PAX7: variants seen among roughly 807,000 people sequenced by gnomAD.
PAX7 encodes the protein paired box 7, also known as paired box protein Pax-7.
PAX7 carries 18 observed loss-of-function variants against 50.7 expected under a neutral mutation model. The observed-to-expected ratio is 0.36, with a 90% CI of 0.25 to 0.53. The LOEUF is 0.53. Ranked by LOEUF, PAX7 falls within the 20% of genes least tolerant of loss-of-function variation. The pLI is 0.93. For missense variants in PAX7, 644 were observed against 702.9 expected (o/e 0.92, Z 0.95); for synonymous variants, 310 against 290.4 (o/e 1.07, Z -0.69).
chr1:18,641,899 A>C (rs2088261390), intron 4 of PAX7, among the ~76,000 whole-genome samples: 1 of 151,950 alleles, frequency 6.6e-6, no homozygotes, highest in African/African-American at 2.4e-5. Context: ...AGATAACGCA[A>C]TCAGGCTAAC....
rs527790153 is a variant in PAX7 at position 18,666,035 on chromosome 1, A to G, written c.587-25719A>G. ...TGTAGAAAAAAGAAAGAGGCTGGGC[A>G]TTGTGGCTCCAGCCTGTAATCCTAG... On this transcript the variant is annotated intron_variant, in intron 4 of 8. Coordinates refer to ENST00000420770, the MANE Select transcript of PAX7 (RefSeq NM_001135254.2). Among the ~76,000 whole-genome samples the G allele has an allele frequency of 2.3e-3, 345 of 152,244 alleles. 1 individual carries two copies. The highest frequency in any genetic ancestry group is 7.7e-3 in the African/African-American group (322 of 41,552).
At chr1:18,702,853 G>A (rs2089238797) in intron 6 of PAX7, among the ~76,000 whole-genome samples, 1 of 152,152 alleles carries the variant, frequency 6.6e-6, no homozygotes, top group African/African-American at 2.4e-5. Context: ...AGGAACAGTG[G>A]CTGGTGTGCA....
intron 4 of PAX7, among the ~76,000 whole-genome samples, chr1:18,648,340 C>CT (rs531869233): frequency 0.081 from 9,687 of 119,696 alleles, 553 homozygotes; most frequent in East Asian, 0.26. Flanking sequence ...TTATTTTTGT[C>CT]TTTTTTTTTT....
Position 18,632,231 on chromosome 1 carries a change from A to G in PAX7, c.85+543A>G, listed in dbSNP as rs2088066428. Among the ~76,000 whole-genome samples the G allele has an allele frequency of 1.3e-5, 2 of 152,300 alleles. No homozygotes were observed. The highest frequency in any genetic ancestry group is 4.1e-4 in the South Asian group (2 of 4,826). ...CTCCTGCTTTTCCGCCTGGAAACAA[A>G]CTAATTGGAAATAATAATTAGTAAT... On this transcript the variant is annotated intron_variant, in intron 1 of 8. Transcript: ENST00000420770. This position sits in a 1 kb window ranked among gnomAD's most constrained non-coding sequence, Gnocchi z 6.3.
At chr1:18,633,332 T>A (rs1049362066) in intron 1 of PAX7, among the ~76,000 whole-genome samples, 2 of 152,070 alleles carry the variant, frequency 1.3e-5, no homozygotes, top group African/African-American at 2.4e-5. Context: ...GCCGGATTAG[T>A]GCGCTGGGTG....
At chr1:18,648,877 G>A (rs900189384) in intron 4 of PAX7, among the ~76,000 whole-genome samples, 1 of 152,168 alleles carries the variant, frequency 6.6e-6, no homozygotes, top group African/African-American at 2.4e-5. Flanking sequence ...AAGGAGCAGA[G>A]AGGTGCAGAG....
At chr1:18,723,269 T>C (rs1225424887) in intron 7 of PAX7, among the ~76,000 whole-genome samples, 1 of 152,150 alleles carries the variant, frequency 6.6e-6, no homozygotes, top group Non-Finnish European at 1.5e-5. Context: ...GGGTGTAATA[T>C]AGAGTTTAAT....
intron 4 of PAX7, among the ~76,000 whole-genome samples, chr1:18,678,405 T>TA (rs111834517): frequency 0.036 from 5,269 of 144,730 alleles, 291 homozygotes; most frequent in African/African-American, 0.13. Context: ...ATCTCAAAAA[T>TA]AAAAAAAAAA....
chr1:18,741,845 C>T (rs191100001), intron 8 of PAX7, among the ~76,000 whole-genome samples: 25 of 152,278 alleles, frequency 1.6e-4, no homozygotes, highest in Non-Finnish European at 2.8e-4. Flanking sequence ...TTTGCATGTA[C>T]AAAGGGTTAT....
At position 18,740,029 on chromosome 1, in the gene PAX7, G is replaced by C. The variant is rs149967810; in HGVS notation, c.1402+4151G>C. Among the ~76,000 whole-genome samples, 3 of 152,272 alleles carry C rather than the reference G, an allele frequency of 2.0e-5. 1 individual carries two copies. Among genetic ancestry groups the C allele is most frequent in the African/African-American group, 7.2e-5 (3 of 41,546 alleles). ...GCGCTGACGGCTGAGATTGTTTACC[G>C]GTTGGCATCACCACCACATCTCCTG... On this transcript the variant is annotated intron_variant, in intron 8 of 8. Coordinates refer to ENST00000420770, the MANE Select transcript of PAX7 (RefSeq NM_001135254.2).
chr1:18,732,915 A>G (rs1412334366), intron 7 of PAX7, among the ~76,000 whole-genome samples: 2 of 152,092 alleles, frequency 1.3e-5, no homozygotes, highest in African/African-American at 4.8e-5. Flanking sequence ...GGAGCTGACA[A>G]ACCCTCCCAG....
chr1:18,667,534 G>A (rs925348280), intron 4 of PAX7, among the ~76,000 whole-genome samples: 6 of 152,052 alleles, frequency 3.9e-5, no homozygotes, highest in Non-Finnish European at 7.3e-5. Context: ...ATAAAACTAC[G>A]GAGCGCCAGG....
At chr1:18,643,569 C>A (rs540236143) in intron 4 of PAX7, among the ~76,000 whole-genome samples, 2 of 152,118 alleles carry the variant, frequency 1.3e-5, no homozygotes, top group Non-Finnish European at 2.9e-5. Context: ...CTGGGACAGG[C>A]GGATCAGGAG....
chr1:18,700,559 G>A lies in PAX7; in HGVS notation c.787-94G>A, dbSNP rs1027130578. The A allele has an allele frequency of 2.5e-6, 3 of 1,180,122 alleles. No homozygotes were observed. The highest frequency in any genetic ancestry group is 3.5e-6 in the Non-Finnish European group (3 of 864,018). 73.1% of individuals were successfully genotyped at this position (1,180,122 alleles called of 1,614,324 possible). The stretch of plus-strand genomic sequence containing the variant: ...GCAGGAGGATGCTGGCTGGATCAGA[G>A]GGTGATGGCTTGGGCAACTGGGTCT... On this transcript the variant is annotated intron_variant, in intron 5 of 8. Coordinates refer to ENST00000420770, the MANE Select transcript of PAX7 (RefSeq NM_001135254.2). The surrounding 1 kb of genome is among the most constrained non-coding windows in gnomAD (Gnocchi z 4.8).
At position 18,634,494 on chromosome 1, in the gene PAX7, A is replaced by C. The variant is rs2088112816; in HGVS notation, c.277A>C (p.Thr93Pro). ...CAAGATTCTTTGCCGCTACCAGGAGACCGGGTCCATCCGGCCTGGGGCCAT... is the reference window on the plus strand; with the variant it reads ...CAAGATTCTTTGCCGCTACCAGGAGCCCGGGTCCATCCGGCCTGGGGCCAT... ...VSKILCRYQE[T>P]GSIRPGAIGG... is the part of the protein sequence containing the mutation. The change falls in exon 2 of 9, where the codon ACC (threonine) becomes CCC (proline). Residue 93 changes from threonine to proline, a missense_variant. Transcript: ENST00000420770. This position sits in a 1 kb window ranked among gnomAD's most constrained non-coding sequence, Gnocchi z 4.0. 6.2e-7 allele frequency: 1 copy of C among 1,613,924 alleles called. No homozygotes were observed. Among genetic ancestry groups the C allele is most frequent in the Non-Finnish European group, 8.5e-7 (1 of 1,180,042 alleles).
chr1:18,744,749 T>C, intron 8 of PAX7, 65 bp from the exon 9 acceptor site: 2 of 861,666 alleles, frequency 2.3e-6, no homozygotes, highest in South Asian at 1.4e-5. Flanking sequence ...TGGGTGTAGA[T>C]AGAGTGAATG....
intron 7 of PAX7, among the ~76,000 whole-genome samples, chr1:18,733,892 C>A (rs1025997282): frequency 3.9e-5 from 6 of 152,146 alleles, no homozygotes; most frequent in Non-Finnish European, 7.4e-5. Flanking sequence ...GGCCCCTTTG[C>A]GGGCCTCAGT....
intron 7 of PAX7, among the ~76,000 whole-genome samples, chr1:18,719,144 C>G (rs574859813): frequency 6.6e-6 from 1 of 152,320 alleles, no homozygotes; most frequent in East Asian, 1.9e-4. Context: ...TTTGAGGGCA[C>G]AGTGGGTGCA....
chr1:18,692,029 G>A (rs1570177951), intron 5 of PAX7, 76 bp downstream of exon 5: 2 of 1,374,876 alleles, frequency 1.5e-6, no homozygotes, highest in East Asian at 2.5e-5. Context: ...CAAGGTCAGT[G>A]GGTTTAATGG....
Sources: gnomAD v4.1 joint callset for allele counts (sites outside exome capture counted in the v4.1 genomes callset) on GRCh38, gnomAD v4.1.1 for gene constraint, Gnocchi (gnomAD v3.1) non-coding constraint, MANE v1.5 for transcripts, NCBI Gene and HGNC (gene_info 2026-07-23, HGNC 2026-07-21) for gene names.